The following AAK1 variants were observed in gnomAD, a reference collection of about 807,000 sequenced individuals.
AAK1 encodes AP2-associated protein kinase 1.
Under a neutral mutation model 116.0 loss-of-function variants are expected in AAK1, and 37 were observed. The ratio of observed to expected loss-of-function variants is 0.32; its 90% CI spans 0.25 to 0.42. The LOEUF (loss-of-function observed/expected upper bound fraction) is 0.42. Ranked by LOEUF, AAK1 falls within the 10% of genes least tolerant of loss-of-function variation. AAK1 has a pLI of 1.00. For missense variants in AAK1, 919 were observed against 1,170.6 expected (o/e 0.79, Z 3.14); for synonymous variants, 458 against 439.9 (o/e 1.04, Z -0.51).
At chr2:69,573,349 C>A (rs904229703) in intron 2 of AAK1, among the ~76,000 whole-genome samples, 2 of 152,174 alleles carry the variant, frequency 1.3e-5, no homozygotes, top group African/African-American at 4.8e-5. Flanking sequence ...ACGGTTTAGA[C>A]AAGATATATG....
chr2:69,507,310 C>A, intron 15 of AAK1, 111 bp downstream of exon 15: 1 of 1,326,002 alleles, frequency 7.5e-7, no homozygotes, highest in Non-Finnish European at 1.0e-6. Context: ...CCCAAGCCTA[C>A]GTTTCCACAT....
rs539306239 is a variant in AAK1 at position 69,622,327 on chromosome 2, G to A, written c.163+20551C>T. On this transcript the variant is annotated intron_variant, in intron 2 of 21. Coordinates refer to ENST00000409085, the MANE Select transcript of AAK1 (RefSeq NM_014911.5). ...CTGAGCCTTCCCCCCTCCCCCGCCC[G>A]GCGGTGGGCTCCTGCGCAGCCGGAG... Among the ~76,000 whole-genome samples, 835 of 131,300 alleles carry A rather than the reference G, an allele frequency of 6.4e-3. 9 individuals are homozygous for A. Among genetic ancestry groups the A allele is most frequent in the African/African-American group, 0.022 (772 of 35,062 alleles). 86.1% of individuals were successfully genotyped at this position (131,300 alleles called of 152,430 possible).
chr2:69,595,064 C>T (rs754866082), intron 2 of AAK1: 7 of 720,864 alleles, frequency 9.7e-6, no homozygotes, highest in East Asian at 5.3e-5. Flanking sequence ...ACCATGTTTG[C>T]GTGAGCACTA....
intron 20 of AAK1, chr2:69,478,718 T>C (rs1016153421): frequency 7.4e-6 from 3 of 403,396 alleles, no homozygotes; most frequent in Non-Finnish European, 1.4e-5. Flanking sequence ...CCTCCCAAAG[T>C]GCTGGGATTG....
chr2:69,580,858 T>C (rs925737853), intron 2 of AAK1, among the ~76,000 whole-genome samples: 13 of 152,200 alleles, frequency 8.5e-5, no homozygotes, highest in African/African-American at 2.7e-4. Context: ...AGAGTATGTG[T>C]GCTTTTTCTA....
intron 2 of AAK1, among the ~76,000 whole-genome samples, chr2:69,629,030 T>C (rs1045501522): frequency 2.4e-4 from 36 of 152,254 alleles, no homozygotes; most frequent in African/African-American, 8.2e-4. Flanking sequence ...TCTTCTTTGA[T>C]AAATATGAAA....
chr2:69,526,838 C>G (rs1259788907), intron 9 of AAK1, among the ~76,000 whole-genome samples: 1 of 152,134 alleles, frequency 6.6e-6, no homozygotes, highest in Non-Finnish European at 1.5e-5. Context: ...TTCTAACAGG[C>G]ATGGGGGCAT....
chr2:69,575,342 A>G (rs184413988), intron 2 of AAK1, among the ~76,000 whole-genome samples: 4 of 152,196 alleles, frequency 2.6e-5, no homozygotes, highest in African/African-American at 9.6e-5. Flanking sequence ...GGAATGAGGC[A>G]CTTGCTAGGG....
At chr2:69,505,493 G>A in intron 16 of AAK1, 76 bp downstream of exon 16, 1 of 1,128,218 alleles carries the variant, frequency 8.9e-7, no homozygotes, top group Non-Finnish European at 1.3e-6. Flanking sequence ...TGGCATGCTA[G>A]AGTTATCTGT....
chr2:69,467,025 A>G lies in AAK1; in HGVS notation c.*8844T>C, dbSNP rs1674509521. 3.0e-6 allele frequency: 3 copies of G among 985,344 alleles called. No homozygotes were observed. In the South Asian group the frequency reaches 1.4e-4, roughly 46 times the overall value. The allele number at this position is 985,344 out of a possible 1,614,324, so 61.0% of individuals were successfully genotyped here. ...CATGCAGAGGGACAAACTCTCTGAAAAGAAGCAGAATGTGGCTGCTTGATA... is the reference window on the plus strand; with the variant it reads ...CATGCAGAGGGACAAACTCTCTGAAGAGAAGCAGAATGTGGCTGCTTGATA... On this transcript the variant is annotated 3_prime_UTR_variant, in exon 22 of 22. Transcript: ENST00000409085.
chr2:69,628,598 C>T (rs1036401660), intron 2 of AAK1, among the ~76,000 whole-genome samples: 11 of 152,200 alleles, frequency 7.2e-5, no homozygotes, highest in Admixed American at 6.5e-4. Context: ...TTGAACAACA[C>T]TCTGTCATAC....
rs1384471198 is a variant in AAK1 at position 69,626,212 on chromosome 2, A to C, written c.163+16666T>G. Among the ~76,000 whole-genome samples, 3 of 151,946 alleles carry C rather than the reference A, an allele frequency of 2.0e-5. No homozygotes were observed. The South Asian group carries it at 6.2e-4, about 32-fold the overall frequency. On this transcript the variant is annotated intron_variant, in intron 2 of 21. Coordinates refer to ENST00000409085, the MANE Select transcript of AAK1 (RefSeq NM_014911.5). The stretch of plus-strand genomic sequence containing the variant: ...TGCTTCTTCTCTGCCTAATATACTC[A>C]AGACTTGTCCATCATTACAAAAATT...
rs1218453436 is a variant in AAK1 at position 69,520,975 on chromosome 2, T to C, written c.1069A>G (p.Ile357Val). 1 of 1,613,880 alleles carries C rather than the reference T, an allele frequency of 6.2e-7. No individual in the cohort carries two copies. The highest frequency in any genetic ancestry group is 8.5e-7 in the Non-Finnish European group (1 of 1,179,856). Reference protein sequence around the residue: ...TQPKARLTDPIPTTETSIAPR... With the variant: ...TQPKARLTDPVPTTETSIAPR... ...GCAATTGAAGTCTCTGTGGTGGGAATGGGATCTGTCAGTCTAGAAAGGGAA... is the reference window on the plus strand; with the variant it reads ...GCAATTGAAGTCTCTGTGGTGGGAACGGGATCTGTCAGTCTAGAAAGGGAA... Residue 357 changes from isoleucine (I) to valine (V), a missense_variant, in exon 11 of 22, where the codon ATT (isoleucine) becomes GTT (valine). Physicochemically the swap from Ile to Val is conservative, Grantham distance 29 (BLOSUM62 3). Transcript: ENST00000409085.
chr2:69,523,391 G>A (rs1415325914), intron 10 of AAK1, among the ~76,000 whole-genome samples: 1 of 152,166 alleles, frequency 6.6e-6, no homozygotes, highest in Non-Finnish European at 1.5e-5. Flanking sequence ...AAAAATCAAA[G>A]TCTCACTACT....
At chr2:69,503,428 T>TA (rs1459795202) in intron 16 of AAK1, among the ~76,000 whole-genome samples, 1 of 152,198 alleles carries the variant, frequency 6.6e-6, no homozygotes, top group East Asian at 1.9e-4. Context: ...TTTATAATAG[T>TA]AAATACTGGA....
intron 17 of AAK1, among the ~76,000 whole-genome samples, chr2:69,486,709 C>T (rs940232987): frequency 1.3e-5 from 2 of 152,056 alleles, no homozygotes; most frequent in Non-Finnish European, 2.9e-5. Flanking sequence ...ATTCAAAAAC[C>T]CCTGGGTTTG....
In AAK1 at chr2:69,468,965, A is replaced by T; in HGVS notation, c.*6904T>A. On this transcript the variant is annotated 3_prime_UTR_variant, in exon 22 of 22. Transcript: ENST00000409085. ...AGACTTAAAATTCCAACAACTTTGAATAATTTACAAAAACAGTCACAAAAA... is the reference window on the plus strand; with the variant it reads ...AGACTTAAAATTCCAACAACTTTGATTAATTTACAAAAACAGTCACAAAAA... 1 of 985,476 alleles carries T rather than the reference A, an allele frequency of 1.0e-6. No homozygotes were observed. 61.0% of individuals were successfully genotyped at this position (985,476 alleles called of 1,614,324 possible).
At chr2:69,570,953 T>TC (rs146712441) in intron 2 of AAK1, among the ~76,000 whole-genome samples, 18,530 of 151,900 alleles carry the variant, frequency 0.12, 2,520 homozygotes, top group African/African-American at 0.31. Flanking sequence ...CAGCTCTAAG[T>TC]TTGGTGTAGA....
intron 2 of AAK1, among the ~76,000 whole-genome samples, chr2:69,574,065 A>T (rs1442900860): frequency 6.6e-6 from 1 of 151,744 alleles, no homozygotes. Flanking sequence ...AAGTCACTTA[A>T]ATGCCCAATG....
Sources: gnomAD v4.1 joint callset for allele counts (sites outside exome capture counted in the v4.1 genomes callset) on GRCh38, gnomAD v4.1.1 for gene constraint, MANE v1.5 for transcripts, NCBI Gene and HGNC (gene_info 2026-07-23, HGNC 2026-07-21) for gene names.